ASIC2: variants seen among roughly 807,000 people sequenced by gnomAD.
ASIC2 encodes acid-sensing ion channel 2.
Under a neutral mutation model 57.3 loss-of-function variants are expected in ASIC2, and 25 were observed. That is an observed-to-expected ratio of 0.44 (90% CI 0.32 to 0.61). ASIC2 has a LOEUF of 0.61. Among genes scored for constraint, ASIC2 ranks in the 20% least tolerant of loss-of-function variants. The probability of loss-of-function intolerance (pLI) is 0.06; values close to 1 mark genes in which losing one functional copy is unlikely to be tolerated. For synonymous variants in ASIC2, 319 were observed against 307.5 expected (o/e 1.04, Z -0.39); for missense variants, 641 against 738.1 (o/e 0.87, Z 1.52).
chr17:33,709,086 G>A (rs1410465607), intron 1 of ASIC2, among the ~76,000 whole-genome samples: 1 of 152,088 alleles, frequency 6.6e-6, no homozygotes, highest in Non-Finnish European at 1.5e-5. Flanking sequence ...CTCTGTAAAA[G>A]GTAAACCCTA....
At chr17:33,990,061 A>G (rs1166487696) in intron 1 of ASIC2, among the ~76,000 whole-genome samples, 1 of 152,228 alleles carries the variant, frequency 6.6e-6, no homozygotes, top group Non-Finnish European at 1.5e-5. Flanking sequence ...GCCTGAATGC[A>G]AAAGAATGAG....
intron 1 of ASIC2, among the ~76,000 whole-genome samples, chr17:33,234,825 C>T (rs1344603212): frequency 2.6e-5 from 4 of 152,214 alleles, no homozygotes; most frequent in Non-Finnish European, 5.9e-5. Context: ...CCAAAATCTT[C>T]CACCTCCCAA....
intron 1 of ASIC2, among the ~76,000 whole-genome samples, chr17:33,809,165 G>A (rs1336669597): frequency 6.6e-6 from 1 of 152,174 alleles, no homozygotes. Context: ...AGCCTCAGTG[G>A]CACTGTCCTC....
chr17:33,721,296 G>A (rs754482270), intron 1 of ASIC2, among the ~76,000 whole-genome samples: 14 of 152,170 alleles, frequency 9.2e-5, no homozygotes, highest in South Asian at 2.1e-4. Flanking sequence ...CATTCATTGC[G>A]CTCACCAGGA....
chr17:33,430,544 A>G (rs546959617), intron 1 of ASIC2, among the ~76,000 whole-genome samples: 1 of 152,292 alleles, frequency 6.6e-6, no homozygotes, highest in Non-Finnish European at 1.5e-5. Flanking sequence ...GCTGGGAATA[A>G]TAATGTAAAT....
intron 1 of ASIC2, among the ~76,000 whole-genome samples, chr17:33,161,503 C>G (rs1905157991): frequency 6.6e-6 from 1 of 152,234 alleles, no homozygotes; most frequent in Non-Finnish European, 1.5e-5. Context: ...CACCATCACA[C>G]TCTTCCACAT....
chr17:33,346,992 A>C (rs1036594730), intron 1 of ASIC2, among the ~76,000 whole-genome samples: 1 of 152,220 alleles, frequency 6.6e-6, no homozygotes, highest in Non-Finnish European at 1.5e-5. Flanking sequence ...GACACGGAGC[A>C]GCTGCTGAAG....
Position 34,151,592 on chromosome 17 carries a change from G to A in ASIC2, c.555+4386C>T, listed in dbSNP as rs180835138. Among the ~76,000 whole-genome samples, 989 of 152,266 alleles carry A rather than the reference G, an allele frequency of 6.5e-3. 9 individuals carry two copies. Among genetic ancestry groups the A allele is most frequent in the South Asian group, 0.014 (67 of 4,826 alleles). Reference sequence around the variant, plus strand: ...CCAAGATGGTGGGTAAGGAGAGGACGTTTGAGCAGCAGAATTAATATGAAG... The same window carrying A: ...CCAAGATGGTGGGTAAGGAGAGGACATTTGAGCAGCAGAATTAATATGAAG... On this transcript the variant is annotated intron_variant, in intron 1 of 9. Coordinates refer to the ASIC2 transcript ENST00000359872.
chr17:33,094,220 G>C (rs2141970458), intron 2 of ASIC2, among the ~76,000 whole-genome samples: 1 of 152,292 alleles, frequency 6.6e-6, no homozygotes, highest in South Asian at 2.1e-4. Context: ...GAAACTGGAG[G>C]GAGAGAGGAG....
intron 1 of ASIC2, among the ~76,000 whole-genome samples, chr17:33,523,160 T>G (rs115991364): frequency 0.029 from 4,459 of 152,338 alleles, 238 homozygotes; most frequent in African/African-American, 0.099. Flanking sequence ...ATTCCAGCAA[T>G]GGACTCACTG....
chr17:33,639,157 C>T (rs971125435), intron 1 of ASIC2, among the ~76,000 whole-genome samples: 3 of 151,804 alleles, frequency 2.0e-5, no homozygotes, highest in Non-Finnish European at 2.9e-5. Context: ...TGGGCAGGTG[C>T]AGAATGCCAG....
chr17:33,255,975 T>C (rs908913303), intron 1 of ASIC2, among the ~76,000 whole-genome samples: 7 of 152,212 alleles, frequency 4.6e-5, no homozygotes, highest in African/African-American at 1.7e-4. Flanking sequence ...TGCTTTATTA[T>C]TTGTTCTTCA....
intron 1 of ASIC2, among the ~76,000 whole-genome samples, chr17:33,331,422 CTGTT>C (rs1230662379): frequency 6.6e-6 from 1 of 152,166 alleles, no homozygotes; most frequent in African/African-American, 2.4e-5. Context: ...AATTCTTAGT[CTGTT>C]TGCTTTTGCT....
chr17:33,333,576 T>C (rs777406882), intron 1 of ASIC2, among the ~76,000 whole-genome samples: 6 of 152,238 alleles, frequency 3.9e-5, no homozygotes, highest in Non-Finnish European at 8.8e-5. Context: ...CTTTTGGTGG[T>C]ATGGTGATGA....
At position 34,156,626 on chromosome 17, in the gene ASIC2, A is replaced by C; in HGVS notation, c.-94T>G. On this transcript the variant is annotated 5_prime_UTR_variant, in exon 1 of 10. Coordinates refer to the ASIC2 transcript ENST00000359872. This position sits in a 1 kb window ranked among gnomAD's most constrained non-coding sequence, Gnocchi z 4.4. ...GGGCTCTGCTTAAACCTTGACGTTCAGGGGAGAGAACGCAAGGCAAGCATC... is the reference window on the plus strand; with the variant it reads ...GGGCTCTGCTTAAACCTTGACGTTCCGGGGAGAGAACGCAAGGCAAGCATC... The C allele has an allele frequency of 7.5e-7, 1 of 1,338,756 alleles. No homozygotes were observed. Among genetic ancestry groups the C allele is most frequent in the Non-Finnish European group, 1.0e-6 (1 of 993,120 alleles). 82.9% of individuals were successfully genotyped at this position (1,338,756 alleles called of 1,614,324 possible). A position where few individuals can be genotyped will look rare whatever the true frequency, so the allele number is the denominator to read the frequency against.
rs1472358551 is a variant in ASIC2, at chr17:33,258,475, T to C, written c.708+32933A>G. Among the ~76,000 whole-genome samples the C allele has an allele frequency of 2.0e-5, 3 of 152,188 alleles. No individual in the cohort carries two copies. The East Asian group carries it at 5.8e-4, about 29-fold the overall frequency. On this transcript the variant is annotated intron_variant, in intron 1 of 9. Transcript: ENST00000225823. ...GTGCCATGAGGTAAGGGAAGGCTGC[T>C]CCCAGGAAGTGCACTGGAGCAGAGA...
At chr17:33,078,583 A>G (rs1183957382) in intron 3 of ASIC2, among the ~76,000 whole-genome samples, 1 of 152,240 alleles carries the variant, frequency 6.6e-6, no homozygotes, top group African/African-American at 2.4e-5. Flanking sequence ...GCATGCTACC[A>G]GACAAATAAT....
intron 1 of ASIC2, among the ~76,000 whole-genome samples, chr17:33,891,803 G>A (rs1914965712): frequency 6.6e-6 from 1 of 152,086 alleles, no homozygotes; most frequent in Admixed American, 6.5e-5. Context: ...CATTTAAAGG[G>A]GAGGGGTGAG....
At chr17:33,114,523 C>G (rs984473544) in intron 1 of ASIC2, among the ~76,000 whole-genome samples, 1 of 152,216 alleles carries the variant, frequency 6.6e-6, no homozygotes, top group Non-Finnish European at 1.5e-5. Flanking sequence ...TAAATTTCAG[C>G]TTAGCATCAG....
Sources: gnomAD v4.1 joint callset for allele counts (sites outside exome capture counted in the v4.1 genomes callset) on GRCh38, gnomAD v4.1.1 for gene constraint, Gnocchi (gnomAD v3.1) non-coding constraint, MANE v1.5 for transcripts, NCBI Gene and HGNC (gene_info 2026-07-23, HGNC 2026-07-21) for gene names.